Variants in ZNF394 observed in about 807,000 individuals in gnomAD.
The protein encoded by ZNF394 is zinc finger protein 99.
Under a neutral mutation model 21.8 loss-of-function variants are expected in ZNF394, and 19 were observed. That is an observed-to-expected ratio of 0.87 (90% CI 0.61 to 1.28). ZNF394 has a LOEUF of 1.28. ZNF394 is among the 50% of genes most tolerant of loss of function. The probability of loss-of-function intolerance (pLI) is 0.00; values close to 1 mark genes in which losing one functional copy is unlikely to be tolerated. For missense variants in ZNF394, 683 were observed against 708.6 expected (o/e 0.96, Z 0.41); for synonymous variants, 294 against 273.3 (o/e 1.08, Z -0.75).
intron 1 of ZNF394, among the ~76,000 whole-genome samples, chr7:99,488,093 A>C (rs1443719656): frequency 3.4e-5 from 5 of 147,838 alleles, no homozygotes; most frequent in East Asian, 2.1e-4. Context: ...AAAAAAAAAA[A>C]CAGAGAAAAG....
chr7:99,488,244 A>C (rs1195327977), downstream of ZNF394, among the ~76,000 whole-genome samples: 1 of 151,874 alleles, frequency 6.6e-6, no homozygotes, highest in Admixed American at 6.6e-5. Flanking sequence ...GAATGATTGA[A>C]GGTTTGAAGA....
At chr7:99,489,260 GGTGACAGAGTAAGA>G (rs996714326), downstream of ZNF394, among the ~76,000 whole-genome samples, 2 of 151,088 alleles carry the variant, frequency 1.3e-5, no homozygotes, top group Non-Finnish European at 2.9e-5. Flanking sequence ...CTCCAGCCTC[GGTGACAGAGTAAGA>G]CTCCATCTCA....
At chr7:99,498,484 G>A (rs1800405727) in intron 2 of ZNF394, 1 of 443,582 alleles carries the variant, frequency 2.3e-6, no homozygotes, top group Non-Finnish European at 4.0e-6. Flanking sequence ...CACAGGGGAT[G>A]GTCATTATCT....
At chr7:99,490,642 A>T (rs866963131), downstream of ZNF394, among the ~76,000 whole-genome samples, 10,570 of 140,124 alleles carry the variant, frequency 0.075, 507 homozygotes, top group African/African-American at 0.16. Flanking sequence ...TTTTTTTTTT[A>T]AAAAAAAAGA....
chr7:99,498,158 G>A (rs1800396444), intron 2 of ZNF394: 2 of 152,610 alleles, frequency 1.3e-5, no homozygotes, highest in Non-Finnish European at 2.9e-5. Context: ...CAGAAATGGA[G>A]AGAATTCTGG....
At chr7:99,488,360 C>T (rs1800079612), downstream of ZNF394, among the ~76,000 whole-genome samples, 1 of 151,402 alleles carries the variant, frequency 6.6e-6, no homozygotes, top group Admixed American at 6.6e-5. Context: ...ATGGTGAAAC[C>T]CCGTCTCTAC....
At chr7:99,499,309 G>C (rs1480433303) in intron 1 of ZNF394, among the ~76,000 whole-genome samples, 2 of 151,608 alleles carry the variant, frequency 1.3e-5, no homozygotes, top group African/African-American at 4.8e-5. Flanking sequence ...CCGGGAGTCA[G>C]AGGTTGCAGC....
chr7:99,486,708 G>C (rs548405757), exon 2 of ZNF394: 5 of 1,614,170 alleles, frequency 3.1e-6, no homozygotes, highest in Non-Finnish European at 3.4e-6. Flanking sequence ...ATCAGAATGC[G>C]CAAACAAGGT....
downstream of ZNF394, among the ~76,000 whole-genome samples, chr7:99,491,615 C>T (rs1462569978): frequency 6.6e-6 from 1 of 150,808 alleles, no homozygotes; most frequent in African/African-American, 2.4e-5. Context: ...GTCTCTACTA[C>T]ACTACAAAAA....
exon 2 of ZNF394, chr7:99,486,547 A>C (rs1055302045): frequency 3.1e-6 from 5 of 1,614,136 alleles, no homozygotes; most frequent in Non-Finnish European, 4.2e-6. Context: ...AGAGTCATAT[A>C]AGATATCAGT....
In ZNF394 at chr7:99,493,623, C is replaced by T. The variant is rs1462968297; in HGVS notation, c.1592G>A (p.Gly531Glu). 2 of 1,614,182 alleles carry T rather than the reference C, an allele frequency of 1.2e-6. No homozygotes were observed. Among genetic ancestry groups the T allele is most frequent in the Non-Finnish European group, 8.5e-7 (1 of 1,180,026 alleles). The change falls in exon 3 of 3, where the codon GGG becomes GAG. Residue 531 changes from glycine to glutamate, a missense_variant. By Grantham distance (98) the Gly-to-Glu change is moderately conservative (BLOSUM62 -2). Transcript: ENST00000337673. Reference protein sequence around the residue: ...GEKPYKCLECGERFRQSTHLI... With the variant: ...GEKPYKCLECEERFRQSTHLI... ...GTGTGTACTTTGTCTAAATCTTTCC[C>T]CACATTCAAGACATTTGTAAGGCTT...
At position 99,499,988 on chromosome 7, in the gene ZNF394, G is replaced by A. The variant is rs1437373053; in HGVS notation, c.106C>T (p.Leu36Phe). ...TCTTCCTCCACTTTCACGGGCAAAAGTCCGTCGCGTTGGGACGGCGCCGCG... is the reference window on the plus strand; with the variant it reads ...TCTTCCTCCACTTTCACGGGCAAAAATCCGTCGCGTTGGGACGGCGCCGCG... Reference protein sequence around the residue: ...KDAAPSQRDGLLPVKVEEDSP... With the variant: ...KDAAPSQRDGFLPVKVEEDSP... Residue 36 changes from leucine (L) to phenylalanine (F), a missense_variant, in exon 1 of 3, where the codon CTT becomes TTT. Coordinates refer to ENST00000337673, the MANE Select transcript of ZNF394 (RefSeq NM_032164.4). 2 of 1,612,450 alleles carry A rather than the reference G, an allele frequency of 1.2e-6. No homozygotes were observed. The highest frequency in any genetic ancestry group is 4.5e-5 in the East Asian group (2 of 44,892).
Position 99,493,894 on chromosome 7 carries a change from G to C in ZNF394, c.1321C>G (p.His441Asp), listed in dbSNP as rs756745586. The C allele has an allele frequency of 6.2e-7, 1 of 1,614,090 alleles. No individual in the cohort carries two copies. The highest frequency in any genetic ancestry group is 1.3e-5 in the African/African-American group (1 of 74,938). The change falls in exon 3 of 3, where the codon CAT becomes GAT. Residue 441 changes from histidine (H) to aspartate (D), a missense_variant. Physicochemically the swap from His to Asp is moderately conservative, Grantham distance 81. This residue lies in a region of ZNF394 where 274 missense variants were observed against 314.1 expected (regional missense o/e 0.87). Transcript: ENST00000337673. ...TCCCCGCATTCCTCACATTTAAAATGTTTGTCTCTACTGTGGGTACTTTGA... is the reference window on the plus strand; with the variant it reads ...TCCCCGCATTCCTCACATTTAAAATCTTTGTCTCTACTGTGGGTACTTTGA... The part of the protein sequence containing the change: ...RHQSTHSRDK[H>D]FKCEECGETC...
rs1322382800 is a variant in ZNF394, at chr7:99,497,122, G to GTGTGTGTA, written c.583+1593_583+1594insTACACACA. ...TGTGTGTGTGTGTGTGTGTGTGTGT[G>GTGTGTGTA]TATATATATATATATATATGTATAT... On this transcript the variant is annotated intron_variant, in intron 2 of 2. Coordinates refer to ENST00000337673, the MANE Select transcript of ZNF394 (RefSeq NM_032164.4). 8.2e-3 allele frequency among the ~76,000 whole-genome samples: 651 copies of GTGTGTGTA among 79,226 alleles called. 4 individuals carry two copies. Among genetic ancestry groups the GTGTGTGTA allele is most frequent in the Non-Finnish European group, 0.011 (479 of 45,356 alleles). The allele number at this position is 79,226 out of a possible 152,430, so 52.0% of individuals were successfully genotyped here. A position where few individuals can be genotyped will look rare whatever the true frequency, so the allele number is the denominator to read the frequency against.
chr7:99,492,876 CAGG>C (rs1415729420), downstream of ZNF394, among the ~76,000 whole-genome samples: 3 of 152,032 alleles, frequency 2.0e-5, no homozygotes, highest in East Asian at 5.8e-4. Context: ...CACTTGAGCC[CAGG>C]AGGTTGAGGC....
At chr7:99,497,155 T>TATATATATGA (rs1285527600) in intron 2 of ZNF394, among the ~76,000 whole-genome samples, 29 of 132,610 alleles carry the variant, frequency 2.2e-4, no homozygotes, top group Middle Eastern at 3.6e-3. Flanking sequence ...TATATATATA[T>TATATATATGA]AAAATGTTTT....
intron 1 of ZNF394, 119 bp from the exon 2 acceptor site, chr7:99,498,961 C>T (rs1050207821): frequency 7.3e-7 from 1 of 1,362,162 alleles, no homozygotes; most frequent in Non-Finnish European, 9.8e-7. Flanking sequence ...CTGACATTCT[C>T]TTGTAATCCT....
At chr7:99,497,122 G>GTGTGTGTATATA (rs1322382800) in intron 2 of ZNF394, among the ~76,000 whole-genome samples, 20 of 79,432 alleles carry the variant, frequency 2.5e-4, no homozygotes, top group African/African-American at 6.6e-4. Flanking sequence ...GTGTGTGTGT[G>GTGTGTGTATATA]TATATATATA....
intron 2 of ZNF394, among the ~76,000 whole-genome samples, chr7:99,497,122 G>GTGTGTGTGTGTGTGTATA (rs1322382800): frequency 1.3e-5 from 1 of 79,466 alleles, no homozygotes; most frequent in African/African-American, 7.4e-5. Flanking sequence ...GTGTGTGTGT[G>GTGTGTGTGTGTGTGTATA]TATATATATA....
Sources: allele counts gnomAD v4.1 joint callset (sites outside exome capture counted in the v4.1 genomes callset), GRCh38; gene constraint gnomAD v4.1.1; regional missense constraint gnomAD v4.1.1; transcripts MANE v1.5; gene names NCBI Gene and HGNC (gene_info 2026-07-23, HGNC 2026-07-21).